NSD3: variants seen among roughly 807,000 people sequenced by gnomAD.
The protein encoded by NSD3 is histone-lysine N-methyltransferase NSD3.
Under a neutral mutation model 160.8 loss-of-function variants are expected in NSD3, and 24 were observed. That is an observed-to-expected ratio of 0.15 (90% CI 0.11 to 0.21). The LOEUF is 0.21. NSD3 is among the 10% of genes least tolerant of loss of function. The probability of loss-of-function intolerance (pLI) is 1.00; values close to 1 mark genes in which losing one functional copy is unlikely to be tolerated. For missense variants in NSD3, 1,157 were observed against 1,735.9 expected (o/e 0.67, Z 5.93); for synonymous variants, 520 against 600.0 (o/e 0.87, Z 1.95).
chr8:38,295,898 A>G lies in NSD3; in HGVS notation c.2813T>C (p.Leu938Pro), dbSNP rs1218806361. ...GCAGCCTTCTGGCATTTCTATGCTT[A>G]GGCATTCCGGGTGGAAGGAAGCTGG... The part of the protein sequence containing the change: ...SCPASFHPEC[L>P]SIEMPEGCWN... Residue 938 changes from leucine to proline, a missense_variant, in exon 16 of 24, where the codon CTA becomes CCA. By Grantham distance (98) the Leu-to-Pro change is moderately conservative. Around this residue, in one of 10 missense-constraint regions of NSD3, gnomAD observed 437 missense variants for 576.6 expected, o/e 0.76. Coordinates refer to ENST00000317025, the MANE Select transcript of NSD3 (RefSeq NM_023034.2). The G allele has an allele frequency of 6.2e-7, 1 of 1,614,046 alleles. No individual in the cohort carries two copies. The highest frequency in any genetic ancestry group is 8.5e-7 in the Non-Finnish European group (1 of 1,179,966).
At chr8:38,379,959 G>A (rs1487165712) in intron 1 of NSD3, among the ~76,000 whole-genome samples, 3 of 152,182 alleles carry the variant, frequency 2.0e-5, no homozygotes, top group African/African-American at 7.2e-5. Flanking sequence ...AATTGTACAA[G>A]TAGTTACAGT....
Position 38,378,754 on chromosome 8 carries a change from T to G in NSD3, c.-45+3045A>C, listed in dbSNP as rs189480724. Among the ~76,000 whole-genome samples the G allele has an allele frequency of 1.8e-3, 258 of 141,502 alleles. 1 individual carries two copies. The highest frequency in any genetic ancestry group is 3.8e-3 in the Middle Eastern group (1 of 264). 92.8% of individuals were successfully genotyped at this position (141,502 alleles called of 152,430 possible). A position where few individuals can be genotyped will look rare whatever the true frequency, so the allele number is the denominator to read the frequency against. The stretch of plus-strand genomic sequence containing the variant: ...ACGAGAATCACTTGAACCTGGGAGG[T>G]GGAGGTTGTATTGAACCGAGATCGC... On this transcript the variant is annotated intron_variant, in intron 1 of 23. Coordinates refer to ENST00000317025, the MANE Select transcript of NSD3 (RefSeq NM_023034.2).
intron 16 of NSD3, among the ~76,000 whole-genome samples, chr8:38,293,922 C>CAAAAAAAAAAAAAAAAA (rs11290856): frequency 2.0e-5 from 1 of 49,932 alleles, no homozygotes; most frequent in African/African-American, 9.3e-5. Flanking sequence ...GACTCCGTCT[C>CAAAAAAAAAAAAAAAAA]AAAAAAAAAA....
At chr8:38,346,783 G>A (rs1181079661) in intron 2 of NSD3, among the ~76,000 whole-genome samples, 2 of 152,004 alleles carry the variant, frequency 1.3e-5, no homozygotes, top group East Asian at 1.9e-4. Context: ...ACTTATTCAG[G>A]TATAACACAT....
At chr8:38,375,798 AAT>A (rs1472417414) in intron 1 of NSD3, among the ~76,000 whole-genome samples, 28 of 152,008 alleles carry the variant, frequency 1.8e-4, no homozygotes, top group African/African-American at 6.8e-4. Flanking sequence ...TTCAAAAAAT[AAT>A]AGACTGCTTT....
chr8:38,350,380 A>T (rs1262912564), intron 1 of NSD3, among the ~76,000 whole-genome samples: 3 of 152,154 alleles, frequency 2.0e-5, no homozygotes, highest in Admixed American at 1.3e-4. Context: ...TTGTCATTCT[A>T]ACTGGTGTGA....
intron 5 of NSD3, among the ~76,000 whole-genome samples, chr8:38,330,682 A>C (rs554106280): frequency 6.6e-6 from 1 of 152,250 alleles, no homozygotes; most frequent in Non-Finnish European, 1.5e-5. Flanking sequence ...TCATAAAATT[A>C]ATCAAAATTC....
intron 1 of NSD3, among the ~76,000 whole-genome samples, chr8:38,376,088 A>G (rs1479539041): frequency 6.6e-6 from 1 of 152,080 alleles, no homozygotes; most frequent in Non-Finnish European, 1.5e-5. Context: ...ATTTTTACCA[A>G]TGTCTCTATT....
chr8:38,302,662 T>C (rs1287182045), intron 14 of NSD3, among the ~76,000 whole-genome samples: 1 of 152,226 alleles, frequency 6.6e-6, no homozygotes, highest in Non-Finnish European at 1.5e-5. Context: ...AGCGTACAAT[T>C]TTCTAGCTGT....
At position 38,271,832 on chromosome 8, in the gene NSD3, T is replaced by C. The variant is rs1563337408; in HGVS notation, c.*3809A>G. ...GCTCCATAGCCACTGTTTTCTTATC[T>C]TGTTAAGAGGACATGGCATGTGGCA... On this transcript the variant is annotated 3_prime_UTR_variant, in exon 24 of 24. Coordinates refer to ENST00000317025, the MANE Select transcript of NSD3 (RefSeq NM_023034.2). 1 of 152,230 alleles carries C rather than the reference T, an allele frequency of 6.6e-6. No homozygotes were observed. The highest frequency in any genetic ancestry group is 6.5e-5 in the Admixed American group (1 of 15,286). 9.4% of individuals were successfully genotyped at this position (152,230 alleles called of 1,614,324 possible). A position where few individuals can be genotyped will look rare whatever the true frequency, so the allele number is the denominator to read the frequency against.
chr8:38,290,542 G>A lies in NSD3; in HGVS notation c.3051C>T (p.Phe1017=), dbSNP rs1260623216. 1 of 1,614,088 alleles carries A rather than the reference G, an allele frequency of 6.2e-7. No individual in the cohort carries two copies. The highest frequency in any genetic ancestry group is 1.7e-5 in the Admixed American group (1 of 60,018). ...DYYWVHQGRV[F]PYVEGDKSFA... ...AGCTTTTGTCTCCTTCAACATAAGG[G>A]AACACTCTGCCCTGGTGTACCCAGT... is the stretch of plus-strand genomic sequence containing the variant. The change falls in exon 17 of 24, where the codon TTC becomes TTT. Residue 1017 remains phenylalanine (F), a synonymous_variant. Coordinates refer to ENST00000317025, the MANE Select transcript of NSD3 (RefSeq NM_023034.2).
At chr8:38,364,341 T>C (rs535772719) in intron 1 of NSD3, among the ~76,000 whole-genome samples, 1 of 152,044 alleles carries the variant, frequency 6.6e-6, no homozygotes, top group East Asian at 1.9e-4. Flanking sequence ...ACAACATAAA[T>C]AGTTTTATCT....
At chr8:38,293,549 A>C (rs891856799) in intron 16 of NSD3, among the ~76,000 whole-genome samples, 1 of 150,574 alleles carries the variant, frequency 6.6e-6, no homozygotes, top group African/African-American at 2.4e-5. Flanking sequence ...ACCCTGTCTC[A>C]AAAAAAAAAT....
intron 1 of NSD3, among the ~76,000 whole-genome samples, chr8:38,370,607 G>A (rs1406197690): frequency 6.6e-6 from 1 of 152,016 alleles, no homozygotes; most frequent in Non-Finnish European, 1.5e-5. Context: ...TTGTGTTCCT[G>A]TATACTGTAC....
intron 2 of NSD3, among the ~76,000 whole-genome samples, chr8:38,346,658 G>C (rs987537967): frequency 6.6e-6 from 1 of 152,012 alleles, no homozygotes; most frequent in Non-Finnish European, 1.5e-5. Context: ...GAAGCATTGT[G>C]ACCTTTACTC....
intron 15 of NSD3, among the ~76,000 whole-genome samples, 169 bp from the exon 16 acceptor site, chr8:38,296,121 T>C (rs1809132955): frequency 6.6e-6 from 1 of 152,196 alleles, no homozygotes. Context: ...AGTGAACGTA[T>C]TTAGCTACTT....
intron 4 of NSD3, among the ~76,000 whole-genome samples, chr8:38,336,674 T>C (rs955869277): frequency 4.6e-5 from 7 of 152,226 alleles, no homozygotes; most frequent in Non-Finnish European, 8.8e-5. Flanking sequence ...CTTGTCCATA[T>C]GCTTTCTTTA....
chr8:38,342,267 T>C (rs2150381038), intron 2 of NSD3, among the ~76,000 whole-genome samples: 1 of 152,290 alleles, frequency 6.6e-6, no homozygotes, highest in South Asian at 2.1e-4. Flanking sequence ...AAAACAGATA[T>C]ACCTGGTAGG....
intron 1 of NSD3, among the ~76,000 whole-genome samples, chr8:38,361,478 G>A (rs541919549): frequency 1.3e-4 from 19 of 151,658 alleles, no homozygotes; most frequent in African/African-American, 2.4e-4. Flanking sequence ...GAAAGGGGCC[G>A]GGCGCGGTGG....
Sources: gnomAD v4.1 joint callset for allele counts (sites outside exome capture counted in the v4.1 genomes callset) on GRCh38, gnomAD v4.1.1 for gene constraint, gnomAD v4.1.1 regional missense constraint, MANE v1.5 for transcripts, NCBI Gene and HGNC (gene_info 2026-07-23, HGNC 2026-07-21) for gene names.